The following RBM19 variants were observed in gnomAD, a reference collection of about 807,000 sequenced individuals.
RBM19 encodes the protein RNA binding motif protein 19.
RBM19 carries 94 observed loss-of-function variants against 116.8 expected under a neutral mutation model. That is an observed-to-expected ratio of 0.80 (90% CI 0.68 to 0.95). RBM19 has a LOEUF of 0.95. Among genes scored for constraint, RBM19 ranks in the 40% least tolerant of loss-of-function variants. The pLI, the probability that RBM19 is intolerant of heterozygous loss-of-function variation, is 0.00. For missense variants in RBM19, 1,161 were observed against 1,220.7 expected (o/e 0.95, Z 0.73); for synonymous variants, 475 against 494.1 (o/e 0.96, Z 0.51).
chr12:113,845,833 A>T (rs1876918455), intron 22 of RBM19, among the ~76,000 whole-genome samples: 1 of 152,210 alleles, frequency 6.6e-6, no homozygotes, highest in Admixed American at 6.5e-5. Context: ...AAAAGCTTGG[A>T]GTCTGAGGTC....
intron 16 of RBM19, chr12:113,927,571 C>T (rs1309932632): frequency 2.1e-5 from 4 of 192,580 alleles, no homozygotes; most frequent in East Asian, 1.0e-4. Context: ...CTAAGCAAAA[C>T]GTTATTTTTC....
rs554391210 is a variant in RBM19, at chr12:113,855,562, AG to A, written c.2664+3228del. 5.9e-5 allele frequency among the ~76,000 whole-genome samples: 9 copies of A among 152,306 alleles called. No homozygotes were observed. In the South Asian group the frequency reaches 6.2e-4, roughly 11 times the overall value. ...CCTTGGCGGGGGATCTGAGTGGGTC[AG>A]GGTTGAACTGAGCCCTGGGAAGGGT... On this transcript the variant is annotated intron_variant, in intron 22 of 23. Transcript: ENST00000261741.
At chr12:113,947,239 CG>C in intron 11 of RBM19, 94 bp downstream of exon 11, 1 of 1,404,526 alleles carries the variant, frequency 7.1e-7, no homozygotes, top group Non-Finnish European at 9.5e-7. Context: ...ACAAAGTGGA[CG>C]CCCGTGTCCA....
chr12:113,897,945 C>G (rs1881451258), intron 21 of RBM19, among the ~76,000 whole-genome samples: 1 of 152,230 alleles, frequency 6.6e-6, no homozygotes, highest in South Asian at 2.1e-4. Context: ...GCACCAGAAG[C>G]TTCATTTAAC....
chr12:113,859,046 G>A (rs1426655695), intron 21 of RBM19, 150 bp from the exon 22 acceptor site: 6 of 688,292 alleles, frequency 8.7e-6, no homozygotes, highest in Non-Finnish European at 1.5e-5. Flanking sequence ...GTCAGCTCAG[G>A]GGCATGAGCA....
intron 10 of RBM19, 114 bp from the exon 11 acceptor site, chr12:113,947,578 A>G: frequency 8.5e-7 from 1 of 1,178,268 alleles, no homozygotes. Context: ...GTCATTTCCC[A>G]GTCCCCTACG....
chr12:113,961,370 C>T (rs1328411221), intron 2 of RBM19, among the ~76,000 whole-genome samples: 1 of 152,044 alleles, frequency 6.6e-6, no homozygotes, highest in Non-Finnish European at 1.5e-5. Context: ...GGCTTGTTAT[C>T]TCTATAATAA....
At chr12:113,845,286 C>T (rs1876862906) in intron 22 of RBM19, among the ~76,000 whole-genome samples, 1 of 152,150 alleles carries the variant, frequency 6.6e-6, no homozygotes, top group Admixed American at 6.5e-5. Flanking sequence ...GCTGCCAGTG[C>T]CCTTCGCTTC....
chr12:113,923,016 C>T (rs1368522053), intron 18 of RBM19, among the ~76,000 whole-genome samples: 2 of 152,184 alleles, frequency 1.3e-5, no homozygotes, highest in African/African-American at 2.4e-5. Context: ...TGCCTGTAAT[C>T]CCAGCTACTG....
In RBM19 at chr12:113,930,836, G is replaced by A. The variant is rs1219352570; in HGVS notation, c.2069-3607C>T. Among the ~76,000 whole-genome samples the A allele has an allele frequency of 6.6e-5, 10 of 152,264 alleles. No homozygotes were observed. In the South Asian group the frequency reaches 1.5e-3, roughly 22 times the overall value. On this transcript the variant is annotated intron_variant, in intron 16 of 23. Transcript: ENST00000261741. ...GCATCATGGTCTTTAGAGATCTGCC[G>A]GAGAAGGGGGCCTGGAAAAGACGAG...
chr12:113,823,489 G>A (rs1392398823), intron 23 of RBM19, among the ~76,000 whole-genome samples, 168 bp from the exon 24 acceptor site: 1 of 152,036 alleles, frequency 6.6e-6, no homozygotes, highest in East Asian at 1.9e-4. Context: ...GTTGGGGAGA[G>A]CGGAGGGAGA....
chr12:113,918,881 GT>G (rs1882942439), intron 19 of RBM19, among the ~76,000 whole-genome samples: 1 of 152,194 alleles, frequency 6.6e-6, no homozygotes, highest in African/African-American at 2.4e-5. Context: ...GGCAGAACTG[GT>G]GTATTAGCAA....
chr12:113,876,337 T>A (rs1879666462), intron 21 of RBM19, among the ~76,000 whole-genome samples: 1 of 152,154 alleles, frequency 6.6e-6, no homozygotes, highest in South Asian at 2.1e-4. Flanking sequence ...TCCAGCTGCC[T>A]CCAGTGCTTA....
At position 113,915,065 on chromosome 12, in the gene RBM19, C is replaced by T. The variant is rs201853997; in HGVS notation, c.2462G>A (p.Arg821Gln). ...CTGCTTTCTGGGAACTTGTTTCTTC[C>T]GAGCCAATGTCACGGCTGGCCTGGA... ...RATKPAVTLARKKQVPRKQTT... is the reference protein window; with the variant it reads ...RATKPAVTLAQKKQVPRKQTT... The change falls in exon 21 of 24, where the codon CGG becomes CAG. Residue 821 changes from arginine to glutamine, a missense_variant. Coordinates refer to ENST00000261741, the MANE Select transcript of RBM19 (RefSeq NM_016196.4). 220 of 1,613,934 alleles carry T rather than the reference C, an allele frequency of 1.4e-4. No homozygotes were observed. Among genetic ancestry groups the T allele is most frequent in the South Asian group, 1.8e-4 (16 of 91,078 alleles).
At position 113,966,191 on chromosome 12, in the gene RBM19, C is replaced by A. The variant is rs1336275815; in HGVS notation, c.36+1G>T. On this transcript the variant is annotated splice_donor_variant, in intron 1 of 23. Coordinates refer to ENST00000261741, the MANE Select transcript of RBM19 (RefSeq NM_016196.4). LOFTEE classifies it high-confidence loss of function. ...TTCCCAAGTCCTGCCTCTGCACTCA[C>A]CCCATTCGGGAGATTCTTCACGATC... is the stretch of plus-strand genomic sequence containing the variant. 4 of 1,614,270 alleles carry A rather than the reference C, an allele frequency of 2.5e-6. No individual in the cohort carries two copies. The highest frequency in any genetic ancestry group is 3.3e-5 in the Admixed American group (2 of 60,036).
At chr12:113,829,689 G>A (rs1039678143) in intron 23 of RBM19, among the ~76,000 whole-genome samples, 1 of 152,190 alleles carries the variant, frequency 6.6e-6, no homozygotes, top group Admixed American at 6.5e-5. Flanking sequence ...CCTTCTCTGA[G>A]TTACCAAAGT....
chr12:113,943,771 C>T (rs1478443928), intron 13 of RBM19, among the ~76,000 whole-genome samples: 3 of 152,062 alleles, frequency 2.0e-5, no homozygotes, highest in East Asian at 1.9e-4. Flanking sequence ...TTTGGTTAGC[C>T]GAGATCACAG....
At chr12:113,929,329 C>T (rs747938873) in intron 16 of RBM19, among the ~76,000 whole-genome samples, 3 of 152,182 alleles carry the variant, frequency 2.0e-5, no homozygotes, top group Non-Finnish European at 4.4e-5. Flanking sequence ...AAACAGCTAC[C>T]GTGATAATGC....
At chr12:113,821,881 G>T (rs754070338), downstream of RBM19, among the ~76,000 whole-genome samples, 2 of 152,198 alleles carry the variant, frequency 1.3e-5, no homozygotes, top group Non-Finnish European at 2.9e-5. Context: ...CGTGCAGGCT[G>T]CCAGCTCTGT....
Sources: allele counts gnomAD v4.1 joint callset (sites outside exome capture counted in the v4.1 genomes callset), GRCh38; gene constraint gnomAD v4.1.1; transcripts MANE v1.5; gene names NCBI Gene and HGNC (gene_info 2026-07-23, HGNC 2026-07-21).